The following ASAP1 variants were observed in gnomAD, a reference collection of about 807,000 sequenced individuals.
The protein encoded by ASAP1 is arf-GAP with SH3 domain, ANK repeat and PH domain-containing protein 1.
Under a neutral mutation model 145.2 loss-of-function variants are expected in ASAP1, and 43 were observed. The ratio of observed to expected loss-of-function variants is 0.30; its 90% CI spans 0.23 to 0.38. The LOEUF is 0.38. Among genes scored for constraint, ASAP1 ranks in the 10% least tolerant of loss-of-function variants. ASAP1 has a pLI of 1.00. For missense variants in ASAP1, 1,018 were observed against 1,355.3 expected (o/e 0.75, Z 3.91); for synonymous variants, 546 against 515.5 (o/e 1.06, Z -0.80).
intron 3 of ASAP1, among the ~76,000 whole-genome samples, chr8:130,341,233 G>C (rs775259775): frequency 6.6e-6 from 1 of 152,096 alleles, no homozygotes; most frequent in Middle Eastern, 3.2e-3. Context: ...AGGCCACCCT[G>C]TTCTCAAAAA....
intron 4 of ASAP1, among the ~76,000 whole-genome samples, chr8:130,230,680 G>A (rs888881463): frequency 2.6e-5 from 4 of 152,134 alleles, no homozygotes; most frequent in Non-Finnish European, 5.9e-5. Context: ...AGCCTTTTGA[G>A]AGCTTAAGAA....
chr8:130,199,874 A>G (rs1815755872), intron 5 of ASAP1, among the ~76,000 whole-genome samples: 1 of 152,246 alleles, frequency 6.6e-6, no homozygotes, highest in Non-Finnish European at 1.5e-5. Flanking sequence ...GTAAAGCCGG[A>G]GAGTTAGAAA....
At chr8:130,190,301 C>A (rs1314237028) in intron 5 of ASAP1, among the ~76,000 whole-genome samples, 1 of 152,072 alleles carries the variant, frequency 6.6e-6, no homozygotes, top group East Asian at 1.9e-4. Flanking sequence ...AGATTTAAGT[C>A]TTTAATCCAT....
At chr8:130,239,701 G>C (rs78904133) in intron 3 of ASAP1, among the ~76,000 whole-genome samples, 3,110 of 152,178 alleles carry the variant, frequency 0.02, 50 homozygotes, top group East Asian at 0.064. Context: ...AATCCAATGG[G>C]TTTATTCTTA....
rs917871684 is a variant in ASAP1 at position 130,279,005 on chromosome 8, C to T, written c.187-42011G>A. Among the ~76,000 whole-genome samples, 4 of 152,286 alleles carry T rather than the reference C, an allele frequency of 2.6e-5. No homozygotes were observed. In the Middle Eastern group the frequency reaches 0.01, roughly 388 times the overall value. On this transcript the variant is annotated intron_variant, in intron 3 of 29. Coordinates refer to ENST00000518721, the MANE Select transcript of ASAP1 (RefSeq NM_018482.4). ...CAAACCCATTTCACAGATGAGGAAG[C>T]TGAAGTAGAAAGTGTTATTGAAAGT...
At chr8:130,135,435 C>T (rs765613863) in intron 14 of ASAP1, among the ~76,000 whole-genome samples, 1 of 151,972 alleles carries the variant, frequency 6.6e-6, no homozygotes, top group South Asian at 2.1e-4. Context: ...CAGTGAGCTG[C>T]GACTGAACCA....
chr8:130,247,976 C>T (rs1190287582), intron 3 of ASAP1, among the ~76,000 whole-genome samples: 1 of 152,118 alleles, frequency 6.6e-6, no homozygotes, highest in East Asian at 1.9e-4. Context: ...GATGCACAGG[C>T]TTGTGAAAGC....
chr8:130,167,637 T>A lies in ASAP1; in HGVS notation c.823-15A>T. Reference sequence around the variant, plus strand: ...GTCTGTTTTATCTATGAAAAAAAAATTACTTCTATTACTTACCATTTACAC... The same window carrying A: ...GTCTGTTTTATCTATGAAAAAAAAAATACTTCTATTACTTACCATTTACAC... On this transcript the variant is annotated splice_polypyrimidine_tract_variant and intron_variant, in intron 10 of 29. Coordinates refer to ENST00000518721, the MANE Select transcript of ASAP1 (RefSeq NM_018482.4). The A allele has an allele frequency of 2.0e-6, 3 of 1,534,404 alleles. No homozygotes were observed. The highest frequency in any genetic ancestry group is 1.8e-6 in the Non-Finnish European group (2 of 1,109,122).
chr8:130,159,484 T>C (rs1586474242), intron 12 of ASAP1, among the ~76,000 whole-genome samples: 1 of 132,084 alleles, frequency 7.6e-6, no homozygotes, highest in African/African-American at 2.9e-5. Context: ...TAGCCAGGCG[T>C]GGTGGCAGGC....
At chr8:130,352,047 A>ATTTT (rs1223199611) in intron 3 of ASAP1, among the ~76,000 whole-genome samples, 1 of 152,202 alleles carries the variant, frequency 6.6e-6, no homozygotes, top group Non-Finnish European at 1.5e-5. Context: ...CTGGGTCAAA[A>ATTTT]GCCTGGGCAC....
chr8:130,219,304 ACC>A (rs1817144745), intron 4 of ASAP1, among the ~76,000 whole-genome samples: 1 of 150,646 alleles, frequency 6.6e-6, no homozygotes, highest in Admixed American at 6.6e-5. Context: ...TTAAGGGTTT[ACC>A]CAGCAGACTT....
intron 3 of ASAP1, among the ~76,000 whole-genome samples, chr8:130,238,515 T>C (rs1246299321): frequency 6.6e-6 from 1 of 152,134 alleles, no homozygotes; most frequent in Non-Finnish European, 1.5e-5. Context: ...ATTCTGTCAC[T>C]TGCAACCACA....
chr8:130,316,827 G>A (rs1314744220), intron 3 of ASAP1, among the ~76,000 whole-genome samples: 1 of 152,194 alleles, frequency 6.6e-6, no homozygotes, highest in African/African-American at 2.4e-5. Flanking sequence ...CTGTTTATTT[G>A]GGATTTTCCC....
intron 2 of ASAP1, among the ~76,000 whole-genome samples, chr8:130,396,763 A>G (rs890769117): frequency 1.8e-4 from 27 of 152,204 alleles, no homozygotes; most frequent in African/African-American, 6.5e-4. Flanking sequence ...GGGAAATTCA[A>G]TTTGGGCTGA....
intron 3 of ASAP1, among the ~76,000 whole-genome samples, chr8:130,285,023 A>G (rs897463665): frequency 6.6e-6 from 1 of 152,156 alleles, no homozygotes; most frequent in Non-Finnish European, 1.5e-5. Flanking sequence ...TTAAGACCTA[A>G]GAAAGTAAAG....
intron 3 of ASAP1, among the ~76,000 whole-genome samples, chr8:130,328,289 CA>C (rs766230143): frequency 2.0e-5 from 3 of 152,204 alleles, no homozygotes; most frequent in Non-Finnish European, 4.4e-5. Context: ...GCCAAGAGAC[CA>C]AAGACTATGC....
chr8:130,243,775 G>T (rs1818686539), intron 3 of ASAP1, among the ~76,000 whole-genome samples: 1 of 152,036 alleles, frequency 6.6e-6, no homozygotes, highest in African/African-American at 2.4e-5. Flanking sequence ...CATCTCACAA[G>T]GACATTCTGA....
intron 1 of ASAP1, among the ~76,000 whole-genome samples, chr8:130,422,969 GGT>G (rs1565303823): frequency 6.6e-6 from 1 of 152,196 alleles, no homozygotes; most frequent in African/African-American, 2.4e-5. Context: ...GGTCCTCAGA[GGT>G]TAAGCAGCCT....
chr8:130,140,058 G>A (rs2097606485), intron 13 of ASAP1, among the ~76,000 whole-genome samples: 1 of 147,778 alleles, frequency 6.8e-6, no homozygotes, highest in South Asian at 2.1e-4. Context: ...TTTGAGATAG[G>A]GTCTCGCTTT....
Sources: gnomAD v4.1 joint callset for allele counts (sites outside exome capture counted in the v4.1 genomes callset) on GRCh38, gnomAD v4.1.1 for gene constraint, MANE v1.5 for transcripts, NCBI Gene and HGNC (gene_info 2026-07-23, HGNC 2026-07-21) for gene names.